UNC5D: variants seen among roughly 807,000 people sequenced by gnomAD.
UNC5D encodes the protein netrin receptor UNC5D.
UNC5D carries 39 observed loss-of-function variants against 105.4 expected under a neutral mutation model. The observed-to-expected ratio is 0.37, with a 90% CI of 0.29 to 0.48. The LOEUF (loss-of-function observed/expected upper bound fraction) is 0.48, where lower values mean the gene tolerates loss of function less well. UNC5D is among the 20% of genes least tolerant of loss of function. The pLI, the probability that UNC5D is intolerant of heterozygous loss-of-function variation, is 0.98. For synonymous variants in UNC5D, 452 were observed against 450.4 expected, an observed-to-expected ratio of 1.00 and a Z score of -0.04; for missense variants, 991 against 1,202.4, an observed-to-expected ratio of 0.82 and a Z score of 2.60.
At chr8:35,788,180 T>G (rs1425936380) in intron 16 of UNC5D, among the ~76,000 whole-genome samples, 1 of 146,240 alleles carries the variant, frequency 6.8e-6, no homozygotes. Context: ...TCACTCAGAA[T>G]TGCTGTGTGT....
chr8:35,626,509 G>C (rs1821707733), intron 4 of UNC5D, among the ~76,000 whole-genome samples: 1 of 152,140 alleles, frequency 6.6e-6, no homozygotes, highest in South Asian at 2.1e-4. Context: ...GAATGAAAAT[G>C]ATTAATTAGA....
intron 2 of UNC5D, among the ~76,000 whole-genome samples, chr8:35,552,148 T>G (rs1816204587): frequency 6.6e-6 from 1 of 152,190 alleles, no homozygotes; most frequent in Non-Finnish European, 1.5e-5. Context: ...AGAGATGTTC[T>G]TCAGACCAAA....
intron 11 of UNC5D, among the ~76,000 whole-genome samples, chr8:35,748,165 A>G (rs921591001): frequency 6.6e-6 from 1 of 152,198 alleles, no homozygotes; most frequent in Non-Finnish European, 1.5e-5. Context: ...TCATTTCTAT[A>G]AAGTTTTTGT....
At chr8:35,397,704 C>T (rs537052677) in intron 1 of UNC5D, among the ~76,000 whole-genome samples, 3 of 152,268 alleles carry the variant, frequency 2.0e-5, no homozygotes, top group Admixed American at 2.0e-4. Flanking sequence ...CTCTCCTCTT[C>T]TGCCTCCTGA....
At chr8:35,633,799 A>G (rs568388700) in intron 4 of UNC5D, among the ~76,000 whole-genome samples, 5 of 152,240 alleles carry the variant, frequency 3.3e-5, no homozygotes, top group African/African-American at 1.2e-4. Flanking sequence ...GACCTAATAC[A>G]AACTTCTAGG....
At chr8:35,572,574 T>C (rs954021408) in intron 3 of UNC5D, among the ~76,000 whole-genome samples, 1 of 152,140 alleles carries the variant, frequency 6.6e-6, no homozygotes, top group African/African-American at 2.4e-5. Flanking sequence ...TTCAGAGTCC[T>C]AGCTTTCACC....
chr8:35,408,411 G>C (rs2128955931), intron 1 of UNC5D, among the ~76,000 whole-genome samples: 1 of 151,096 alleles, frequency 6.6e-6, no homozygotes, highest in South Asian at 2.1e-4. Flanking sequence ...CGCACATCAG[G>C]AAAAATGCAA....
intron 1 of UNC5D, among the ~76,000 whole-genome samples, chr8:35,438,647 A>G (rs1461041117): frequency 6.6e-6 from 1 of 151,578 alleles, no homozygotes; most frequent in African/African-American, 2.4e-5. Context: ...AACTATCTTT[A>G]GTGGGAGATT....
intron 2 of UNC5D, among the ~76,000 whole-genome samples, chr8:35,555,733 G>A (rs1207705132): frequency 5.3e-5 from 8 of 151,822 alleles, no homozygotes; most frequent in Admixed American, 1.3e-4. Flanking sequence ...GGCTGAGGCA[G>A]GAGAATCACT....
At chr8:35,596,340 T>A (rs1727857976) in intron 4 of UNC5D, among the ~76,000 whole-genome samples, 1 of 152,208 alleles carries the variant, frequency 6.6e-6, no homozygotes. Context: ...TTCTAAATCT[T>A]TTATTCACAA....
At chr8:35,497,603 T>C (rs1201586764) in intron 1 of UNC5D, among the ~76,000 whole-genome samples, 1 of 150,486 alleles carries the variant, frequency 6.6e-6, no homozygotes, top group Non-Finnish European at 1.5e-5. Context: ...GGACAGCCAA[T>C]GGAAATATCT....
At position 35,726,293 on chromosome 8, in the gene UNC5D, A is replaced by C. The variant is rs770170447; in HGVS notation, c.1445A>C (p.Lys482Thr). The change falls in exon 10 of 17, where the codon AAA (lysine) becomes ACA (threonine). Residue 482 changes from lysine to threonine, a missense_variant. Physicochemically the swap from Lys to Thr is moderately conservative, Grantham distance 78. Transcript: ENST00000404895. Reference protein sequence around the residue: ...SSLFNPLSDIKVKVQSSFMVS... With the variant: ...SSLFNPLSDITVKVQSSFMVS... ...CTCTTTAACCCTTTGTCGGACATCA[A>C]AGTGAAAGTCCAGAGCTCGTTCATG... 3.1e-6 allele frequency: 5 copies of C among 1,613,940 alleles called. No homozygotes were observed. Among genetic ancestry groups the C allele is most frequent in the Non-Finnish European group, 4.2e-6 (5 of 1,180,000 alleles).
intron 1 of UNC5D, among the ~76,000 whole-genome samples, chr8:35,437,146 C>T (rs556066637): frequency 1.1e-4 from 17 of 151,864 alleles, no homozygotes; most frequent in African/African-American, 2.9e-4. Context: ...GCTCATACTT[C>T]GTTATTCTAA....
chr8:35,479,612 A>C (rs1810344974), intron 1 of UNC5D, among the ~76,000 whole-genome samples: 1 of 152,186 alleles, frequency 6.6e-6, no homozygotes, highest in Non-Finnish European at 1.5e-5. Flanking sequence ...ACAGCCGTAT[A>C]AAAGAATGAC....
chr8:35,677,644 A>G (rs1289091544), intron 4 of UNC5D, among the ~76,000 whole-genome samples: 1 of 152,184 alleles, frequency 6.6e-6, no homozygotes, highest in Non-Finnish European at 1.5e-5. Flanking sequence ...CATCAGTTAA[A>G]TGGATAAACT....
At chr8:35,599,163 A>AG (rs1586215301) in intron 4 of UNC5D, among the ~76,000 whole-genome samples, 2 of 150,916 alleles carry the variant, frequency 1.3e-5, no homozygotes. Context: ...AAAAAAAAAA[A>AG]AAAAAAGCTG....
At chr8:35,307,510 A>C (rs1808513785) in intron 1 of UNC5D, among the ~76,000 whole-genome samples, 1 of 152,168 alleles carries the variant, frequency 6.6e-6, no homozygotes, top group Admixed American at 6.6e-5. Flanking sequence ...TGGGACAGTG[A>C]GAAGACCTAA....
At chr8:35,437,762 G>C (rs1807121135) in intron 1 of UNC5D, among the ~76,000 whole-genome samples, 1 of 152,088 alleles carries the variant, frequency 6.6e-6, no homozygotes, top group African/African-American at 2.4e-5. Context: ...TTTGTCATTG[G>C]ATTACAGTGT....
chr8:35,599,222 G>C (rs987547640), intron 4 of UNC5D, among the ~76,000 whole-genome samples: 1 of 151,642 alleles, frequency 6.6e-6, no homozygotes, highest in African/African-American at 2.4e-5. Context: ...TTGCGGAGAT[G>C]GGGAGAGGTT....
Sources: gnomAD v4.1 joint callset for allele counts (sites outside exome capture counted in the v4.1 genomes callset) on GRCh38, gnomAD v4.1.1 for gene constraint, MANE v1.5 for transcripts, NCBI Gene and HGNC (gene_info 2026-07-23, HGNC 2026-07-21) for gene names.